Variants in AKT3 observed in about 807,000 individuals in gnomAD.
The protein encoded by AKT3 is AKT serine/threonine kinase 3.
In AKT3, 15 loss-of-function variants were observed where a neutral mutation model predicts 65.3. The observed-to-expected ratio is 0.23, with a 90% CI of 0.15 to 0.35. The LOEUF (loss-of-function observed/expected upper bound fraction) is 0.35, where lower values mean the gene tolerates loss of function less well. AKT3 is among the 10% of genes least tolerant of loss of function. The pLI, the probability that AKT3 is intolerant of heterozygous loss-of-function variation, is 1.00. For missense variants in AKT3, 243 were observed against 576.5 expected, an observed-to-expected ratio of 0.42 and a Z score of 5.92; for synonymous variants, 206 against 183.8, an observed-to-expected ratio of 1.12 and a Z score of -0.98.
At chr1:243,762,929 A>G (rs1177134939) in intron 2 of AKT3, among the ~76,000 whole-genome samples, 2 of 152,090 alleles carry the variant, frequency 1.3e-5, no homozygotes, top group South Asian at 4.1e-4. Flanking sequence ...CAAAAAATTG[A>G]TATTTCTAAG....
chr1:243,531,836 G>A (rs188235879), intron 12 of AKT3, among the ~76,000 whole-genome samples: 1 of 152,034 alleles, frequency 6.6e-6, no homozygotes, highest in Admixed American at 6.5e-5. Context: ...TGCTTCCTTG[G>A]TTAAATTTAT....
At chr1:243,773,152 G>A (rs934680789) in intron 2 of AKT3, among the ~76,000 whole-genome samples, 4 of 150,376 alleles carry the variant, frequency 2.7e-5, no homozygotes, top group East Asian at 3.9e-4. Context: ...AAACCTGCAC[G>A]TTGTGCACAT....
At chr1:243,557,616 C>T (rs1290833912) in intron 10 of AKT3, among the ~76,000 whole-genome samples, 2 of 151,890 alleles carry the variant, frequency 1.3e-5, no homozygotes, top group East Asian at 3.9e-4. Context: ...AAAATAGCAA[C>T]ATACTATAGA....
intron 3 of AKT3, among the ~76,000 whole-genome samples, chr1:243,684,973 T>G (rs189137265): frequency 2.0e-5 from 3 of 152,356 alleles, no homozygotes; most frequent in Non-Finnish European, 4.4e-5. Flanking sequence ...TAGTGTTTGT[T>G]CATATCCTTT....
chr1:243,489,173 C>T (rs1193942673), intron 13 of AKT3: 1 of 1,607,470 alleles, frequency 6.2e-7, no homozygotes, highest in East Asian at 2.2e-5. Flanking sequence ...GGTGGGAGTC[C>T]TTGGGCGGGC....
chr1:243,674,837 A>T (rs371337980), intron 3 of AKT3, among the ~76,000 whole-genome samples: 1 of 152,178 alleles, frequency 6.6e-6, no homozygotes, highest in Admixed American at 6.5e-5. Context: ...TTTTAAAAAA[A>T]TTTTCAATTC....
intron 2 of AKT3, among the ~76,000 whole-genome samples, chr1:243,835,153 T>G (rs1694812443): frequency 6.6e-6 from 1 of 152,196 alleles, no homozygotes; most frequent in African/African-American, 2.4e-5. Context: ...CATGGGATAC[T>G]ATTCCGTCCA....
intron 6 of AKT3, among the ~76,000 whole-genome samples, chr1:243,634,802 G>A (rs1222436101): frequency 1.3e-5 from 2 of 151,686 alleles, no homozygotes; most frequent in African/African-American, 4.8e-5. Flanking sequence ...AATATATGAG[G>A]CAAAAATTGA....
At chr1:243,535,431 T>C (rs2148424229) in intron 12 of AKT3, among the ~76,000 whole-genome samples, 1 of 152,286 alleles carries the variant, frequency 6.6e-6, no homozygotes, top group Non-Finnish European at 1.5e-5. Flanking sequence ...GACCTCTGCA[T>C]ACCCATAGCT....
At chr1:243,516,974 T>C (rs1670401056) in intron 12 of AKT3, among the ~76,000 whole-genome samples, 1 of 152,240 alleles carries the variant, frequency 6.6e-6, no homozygotes, top group Non-Finnish European at 1.5e-5. Flanking sequence ...GTACTATAAA[T>C]TGTATTTAGT....
intron 2 of AKT3, among the ~76,000 whole-genome samples, chr1:243,834,216 T>C (rs752496864): frequency 6.6e-6 from 1 of 152,086 alleles, no homozygotes; most frequent in Non-Finnish European, 1.5e-5. Context: ...TGTACACATA[T>C]GTTCATCACA....
intron 2 of AKT3, among the ~76,000 whole-genome samples, chr1:243,811,826 A>G (rs1201955650): frequency 2.6e-5 from 4 of 152,226 alleles, no homozygotes; most frequent in East Asian, 1.9e-4. Context: ...AAACAGAGAT[A>G]CAGACCAATG....
At chr1:243,642,877 A>T (rs1017898413) in intron 5 of AKT3, among the ~76,000 whole-genome samples, 1 of 152,238 alleles carries the variant, frequency 6.6e-6, no homozygotes, top group African/African-American at 2.4e-5. Flanking sequence ...AATGAGGAAC[A>T]TAAAGAACTT....
intron 10 of AKT3, among the ~76,000 whole-genome samples, chr1:243,553,575 T>G (rs1049948902): frequency 2.6e-5 from 4 of 152,178 alleles, no homozygotes; most frequent in African/African-American, 9.7e-5. Flanking sequence ...GTAATAAACT[T>G]TGATAGCCAC....
At chr1:243,699,465 CTATATATATATATATATATATATATA>C (rs58911364) in intron 2 of AKT3, among the ~76,000 whole-genome samples, 37 of 103,602 alleles carry the variant, frequency 3.6e-4, no homozygotes, top group African/African-American at 1.3e-3. Flanking sequence ...ACCTCTTCCA[CTATATATATATATATATATATATATA>C]TATATATATA....
At chr1:243,589,555 G>A (rs1294751995) in intron 8 of AKT3, among the ~76,000 whole-genome samples, 1 of 152,110 alleles carries the variant, frequency 6.6e-6, no homozygotes, top group Non-Finnish European at 1.5e-5. Context: ...AGGATGTGGA[G>A]AAAAGGGAAC....
At chr1:243,809,388 C>G (rs1692973401) in intron 2 of AKT3, among the ~76,000 whole-genome samples, 1 of 152,196 alleles carries the variant, frequency 6.6e-6, no homozygotes, top group Admixed American at 6.5e-5. Context: ...CAATCCTAGT[C>G]TCTGATAAAA....
intron 10 of AKT3, among the ~76,000 whole-genome samples, chr1:243,562,831 C>T (rs1033312919): frequency 3.9e-5 from 6 of 152,132 alleles, no homozygotes; most frequent in African/African-American, 1.2e-4. Flanking sequence ...AGACCTCATA[C>T]ATAGTGGAGA....
intron 3 of AKT3, among the ~76,000 whole-genome samples, chr1:243,678,509 T>C (rs890219508): frequency 6.6e-6 from 1 of 152,246 alleles, no homozygotes; most frequent in African/African-American, 2.4e-5. Context: ...AAAATTTATT[T>C]TTTAAATAGT....
Sources: allele counts gnomAD v4.1 joint callset (sites outside exome capture counted in the v4.1 genomes callset), GRCh38; gene constraint gnomAD v4.1.1; transcripts MANE v1.5; gene names NCBI Gene and HGNC (gene_info 2026-07-23, HGNC 2026-07-21).